DMXL1: variants seen among roughly 807,000 people sequenced by gnomAD.
The protein encoded by DMXL1 is dmX-like protein 1.
A neutral mutation model predicts 319.2 loss-of-function variants in DMXL1; 99 were observed. That is an observed-to-expected ratio of 0.31 (90% CI 0.26 to 0.37). The LOEUF is 0.37. Among genes scored for constraint, DMXL1 ranks in the 10% least tolerant of loss-of-function variants. The pLI, the probability that DMXL1 is intolerant of heterozygous loss-of-function variation, is 1.00. For synonymous variants in DMXL1, 1,385 were observed against 1,235.2 expected, an observed-to-expected ratio of 1.12 and a Z score of -2.54; for missense variants, 3,745 against 3,595.6, an observed-to-expected ratio of 1.04 and a Z score of -1.06.
chr5:119,145,470 G>A (rs536280404), intron 15 of DMXL1, among the ~76,000 whole-genome samples: 1 of 151,696 alleles, frequency 6.6e-6, no homozygotes, highest in Non-Finnish European at 1.5e-5. Flanking sequence ...CTCTGAACAT[G>A]TTGGAAGTAT....
intron 28 of DMXL1, among the ~76,000 whole-genome samples, chr5:119,188,735 T>C (rs997517060): frequency 6.6e-6 from 1 of 152,260 alleles, no homozygotes; most frequent in African/African-American, 2.4e-5. Flanking sequence ...TAATATTTTA[T>C]TCATCTTTCC....
intron 37 of DMXL1, among the ~76,000 whole-genome samples, chr5:119,222,186 T>A (rs1305172350): frequency 6.6e-6 from 1 of 152,198 alleles, no homozygotes; most frequent in African/African-American, 2.4e-5. Context: ...CAGTATCTGT[T>A]GTAGTTGTTA....
intron 9 of DMXL1, among the ~76,000 whole-genome samples, chr5:119,121,343 C>T (rs536314656): frequency 1.1e-3 from 166 of 150,884 alleles, no homozygotes; most frequent in African/African-American, 3.9e-3. Flanking sequence ...AGGTTTGGCA[C>T]GGTCATAGGA....
At chr5:119,173,776 G>GTGTGTGTATA in intron 25 of DMXL1, among the ~76,000 whole-genome samples, 2 of 67,172 alleles carry the variant, frequency 3.0e-5, no homozygotes, top group South Asian at 5.4e-4. Context: ...ATGTGTGTGT[G>GTGTGTGTATA]TATATATATA....
intron 42 of DMXL1, among the ~76,000 whole-genome samples, chr5:119,242,588 A>C (rs554255351): frequency 6.6e-6 from 1 of 152,224 alleles, no homozygotes; most frequent in African/African-American, 2.4e-5. Context: ...CCAGCATGCT[A>C]CTTTGCAGAT....
At chr5:119,145,693 G>A (rs1430056535) in intron 15 of DMXL1, among the ~76,000 whole-genome samples, 2 of 151,162 alleles carry the variant, frequency 1.3e-5, no homozygotes, top group South Asian at 2.1e-4. Context: ...TGCTTTTTTC[G>A]GATTCTTCAA....
chr5:119,080,522 C>T (rs1187301670), intron 1 of DMXL1, among the ~76,000 whole-genome samples: 2 of 152,082 alleles, frequency 1.3e-5, no homozygotes, highest in Non-Finnish European at 2.9e-5. Context: ...ATATCCTTAA[C>T]ACCTAATCCT....
At position 119,178,209 on chromosome 5, in the gene DMXL1, C is replaced by G; in HGVS notation, c.7100C>G (p.Pro2367Arg). 6.2e-7 allele frequency: 1 copy of G among 1,613,766 alleles called. No homozygotes were observed. Among genetic ancestry groups the G allele is most frequent in the Non-Finnish European group, 8.5e-7 (1 of 1,179,742 alleles). ...GTGTTTGGTGGAGGTGCACATGTTC[C>G]TAGCAAAGAACAGACACATTCAAAA... The part of the protein sequence containing the change: ...SAVFGGGAHV[P>R]SKEQTHSKTL... The change falls in exon 28 of 44, where the codon CCT becomes CGT. Residue 2367 changes from proline to arginine, a missense_variant. Pro to Arg is a moderately radical substitution (Grantham distance 103). Transcript: ENST00000539542.
chr5:119,178,089 A>T lies in DMXL1; in HGVS notation c.6980A>T (p.Tyr2327Phe), dbSNP rs766531622. 2.5e-6 allele frequency: 4 copies of T among 1,613,836 alleles called. No homozygotes were observed. In the East Asian group the frequency reaches 6.7e-5, roughly 27 times the overall value. Residue 2327 changes from tyrosine (Y) to phenylalanine (F), a missense_variant, in exon 28 of 44, where the codon TAT (tyrosine) becomes TTT (phenylalanine). Around this residue, in one of 4 missense-constraint regions of DMXL1, gnomAD observed 1,382 missense variants for 1,269.5 expected, o/e 1.09. Coordinates refer to ENST00000539542, the MANE Select transcript of DMXL1 (RefSeq NM_001290321.3). ...VLLCEILTAV[Y>F]LSLFIHGLAT... ...CTCTGTGAGATTCTCACAGCAGTGTATCTTAGTCTCTTCATCCATGGCCTG... is the reference window on the plus strand; with the variant it reads ...CTCTGTGAGATTCTCACAGCAGTGTTTCTTAGTCTCTTCATCCATGGCCTG...
chr5:119,088,899 G>T, intron 1 of DMXL1, among the ~76,000 whole-genome samples: 1 of 152,022 alleles, frequency 6.6e-6, no homozygotes, highest in East Asian at 1.9e-4. Context: ...ATAGAGTTAT[G>T]AATAGGTTAC....
chr5:119,098,221 T>A (rs1385784093), intron 2 of DMXL1, 117 bp downstream of exon 2: 9 of 1,228,366 alleles, frequency 7.3e-6, no homozygotes, highest in Non-Finnish European at 9.0e-6. Context: ...AAAGATAGTG[T>A]AGCTAGAAGA....
At chr5:119,128,265 T>C (rs1430052378) in intron 9 of DMXL1, 16 of 296,440 alleles carry the variant, frequency 5.4e-5, no homozygotes, top group Non-Finnish European at 9.3e-5. Context: ...ATGTAAAGTT[T>C]CTGAATCCAG....
At chr5:119,180,223 C>A (rs887893115) in intron 28 of DMXL1, among the ~76,000 whole-genome samples, 18 of 152,174 alleles carry the variant, frequency 1.2e-4, no homozygotes, top group African/African-American at 4.3e-4. Context: ...CTGTGGGTCT[C>A]TTAACGTATT....
chr5:119,085,662 A>T (rs1179958098), intron 1 of DMXL1, among the ~76,000 whole-genome samples: 1 of 152,028 alleles, frequency 6.6e-6, no homozygotes, highest in Non-Finnish European at 1.5e-5. Context: ...CTTCCTTTCC[A>T]ATTTGGTTAC....
At chr5:119,160,635 A>G (rs1476999662) in intron 19 of DMXL1, among the ~76,000 whole-genome samples, 5 of 152,098 alleles carry the variant, frequency 3.3e-5, no homozygotes, top group Admixed American at 2.0e-4. Flanking sequence ...TTATTACTGT[A>G]TTGTAATCTA....
chr5:119,174,073 T>A (rs987075069), intron 25 of DMXL1, among the ~76,000 whole-genome samples: 4 of 151,964 alleles, frequency 2.6e-5, no homozygotes, highest in African/African-American at 9.7e-5. Flanking sequence ...TTACTCAGCC[T>A]TTTTGTTCTG....
At chr5:119,240,360 C>T (rs2150735922) in intron 41 of DMXL1, 59 bp from the exon 42 acceptor site, 2 of 1,225,362 alleles carry the variant, frequency 1.6e-6, no homozygotes, top group South Asian at 2.6e-5. Flanking sequence ...TTATATATGA[C>T]ATATTTTTTA....
chr5:119,220,422 T>C (rs1581401341), intron 35 of DMXL1, 50 bp from the exon 36 acceptor site: 1 of 1,581,966 alleles, frequency 6.3e-7, no homozygotes, highest in Non-Finnish European at 8.6e-7. Context: ...GCTCATATAC[T>C]ATCTCTTTTG....
At position 119,164,631 on chromosome 5, in the gene DMXL1, G is replaced by A. The variant is rs1252998299; in HGVS notation, c.4827G>A (p.Gly1609=). 2 of 1,613,392 alleles carry A rather than the reference G, an allele frequency of 1.2e-6. No homozygotes were observed. The highest frequency in any genetic ancestry group is 1.7e-4 in the Middle Eastern group (1 of 6,060). Residue 1609 remains glycine, a synonymous_variant, in exon 20 of 44, where the codon GGG becomes GGA. Transcript: ENST00000539542. ...CTGAACTAAGAGCTATGGGTGTGGG[G>A]TGGTGGGTCCGGAATACCCGCATCT... The part of the protein sequence containing the change: ...TWSELRAMGV[G]WWVRNTRILR...
Sources: gnomAD v4.1 joint callset for allele counts (sites outside exome capture counted in the v4.1 genomes callset) on GRCh38, gnomAD v4.1.1 for gene constraint, gnomAD v4.1.1 regional missense constraint, MANE v1.5 for transcripts, NCBI Gene and HGNC (gene_info 2026-07-23, HGNC 2026-07-21) for gene names.